The following COG5 variants were observed in gnomAD, a reference collection of about 807,000 sequenced individuals.
The protein encoded by COG5 is component of oligomeric golgi complex 5, also known as conserved oligomeric Golgi complex subunit 5.
A neutral mutation model predicts 110.4 loss-of-function variants in COG5; 86 were observed. The observed-to-expected ratio is 0.78, with a 90% CI of 0.65 to 0.93. The LOEUF (loss-of-function observed/expected upper bound fraction) is 0.93, where lower values mean the gene tolerates loss of function less well. Among genes scored for constraint, COG5 ranks in the 40% least tolerant of loss-of-function variants. The pLI is 0.00. For synonymous variants in COG5, 360 were observed against 334.6 expected, an observed-to-expected ratio of 1.08 and a Z score of -0.83; for missense variants, 1,077 against 987.0, an observed-to-expected ratio of 1.09 and a Z score of -1.22.
intron 19 of COG5, among the ~76,000 whole-genome samples, chr7:107,217,357 A>G (rs1354264791): frequency 6.6e-6 from 1 of 152,154 alleles, no homozygotes; most frequent in Non-Finnish European, 1.5e-5. Context: ...CTTGTCCAAA[A>G]AAATCAAAAA....
intron 6 of COG5, among the ~76,000 whole-genome samples, chr7:107,447,974 G>A (rs1213175631): frequency 6.6e-6 from 1 of 152,094 alleles, no homozygotes; most frequent in East Asian, 1.9e-4. Flanking sequence ...TGGCCAATAT[G>A]GTGAAACCCC....
At chr7:107,519,474 C>A (rs1800173440) in intron 6 of COG5, among the ~76,000 whole-genome samples, 3 of 150,962 alleles carry the variant, frequency 2.0e-5, no homozygotes, top group African/African-American at 2.4e-5. Context: ...CACCACTGAC[C>A]CCAAAGAAAT....
At chr7:107,376,014 A>C (rs1814609990) in intron 7 of COG5, among the ~76,000 whole-genome samples, 1 of 152,048 alleles carries the variant, frequency 6.6e-6, no homozygotes, top group Admixed American at 6.6e-5. Context: ...AATAGGAGTC[A>C]AGATTAGTGT....
intron 15 of COG5, 44 bp from the exon 16 acceptor site, chr7:107,256,838 T>C (rs1458276261): frequency 1.5e-6 from 2 of 1,344,514 alleles, no homozygotes; most frequent in East Asian, 4.6e-5. Context: ...CTTAAGTCTA[T>C]TTCTGTAAAT....
At chr7:107,455,513 T>C (rs1240035961) in intron 6 of COG5, among the ~76,000 whole-genome samples, 1 of 152,172 alleles carries the variant, frequency 6.6e-6, no homozygotes, top group Non-Finnish European at 1.5e-5. Flanking sequence ...AAAATGTTTT[T>C]ACATTTTTAA....
intron 6 of COG5, among the ~76,000 whole-genome samples, chr7:107,437,617 G>C (rs144612074): frequency 6.1e-4 from 93 of 152,058 alleles, no homozygotes; most frequent in African/African-American, 2.1e-3. Context: ...ACTTCAGAAA[G>C]GAAGTATATG....
chr7:107,218,342 A>G (rs1799669291), intron 19 of COG5, among the ~76,000 whole-genome samples: 1 of 152,134 alleles, frequency 6.6e-6, no homozygotes, highest in Non-Finnish European at 1.5e-5. Context: ...CCAGAAATAG[A>G]AAACATAATC....
intron 5 of COG5, among the ~76,000 whole-genome samples, chr7:107,545,779 C>CAAAAAAAA (rs59515448): frequency 5.7e-5 from 4 of 69,848 alleles, no homozygotes; most frequent in Non-Finnish European, 5.2e-5. Context: ...GACTCCATCT[C>CAAAAAAAA]AAAAAAAAAA....
chr7:107,454,020 G>T (rs1436018540), intron 6 of COG5, among the ~76,000 whole-genome samples: 1 of 151,974 alleles, frequency 6.6e-6, no homozygotes, highest in African/African-American at 2.4e-5. Flanking sequence ...ACTATTTTAA[G>T]TTCATCAAAA....
chr7:107,393,854 T>C (rs1790796658), intron 7 of COG5, among the ~76,000 whole-genome samples: 1 of 152,210 alleles, frequency 6.6e-6, no homozygotes, highest in African/African-American at 2.4e-5. Context: ...TTTCTATGAA[T>C]TGTCACTGTA....
chr7:107,294,954 T>TACACACAC (rs775829808), intron 12 of COG5, among the ~76,000 whole-genome samples: 9 of 125,958 alleles, frequency 7.1e-5, no homozygotes, highest in Non-Finnish European at 1.0e-4. Context: ...CACACACATA[T>TACACACAC]ATATATACAC....
intron 6 of COG5, chr7:107,475,041 A>G: frequency 6.2e-7 from 1 of 1,612,896 alleles, no homozygotes; most frequent in Non-Finnish European, 8.5e-7. Flanking sequence ...TCTGCTGGAC[A>G]CCAATTTCTG....
chr7:107,477,324 T>A (rs1009138838), intron 6 of COG5, among the ~76,000 whole-genome samples: 1 of 151,708 alleles, frequency 6.6e-6, no homozygotes, highest in African/African-American at 2.4e-5. Flanking sequence ...TCAATAAAAA[T>A]TAGACTATTT....
intron 1 of COG5, among the ~76,000 whole-genome samples, chr7:107,558,575 G>C (rs1457284793): frequency 1.3e-5 from 2 of 151,402 alleles, no homozygotes; most frequent in East Asian, 3.9e-4. Context: ...TTGCAATCCA[G>C]CCTGGGTGAC....
intron 11 of COG5, among the ~76,000 whole-genome samples, chr7:107,320,325 G>A (rs1196162226): frequency 6.6e-6 from 1 of 152,200 alleles, no homozygotes; most frequent in Non-Finnish European, 1.5e-5. Context: ...AGCAACAACA[G>A]GGATTTATAT....
At chr7:107,228,924 G>A (rs572563504) in intron 19 of COG5, among the ~76,000 whole-genome samples, 1 of 152,136 alleles carries the variant, frequency 6.6e-6, no homozygotes, top group African/African-American at 2.4e-5. Flanking sequence ...AGAGCAAAGC[G>A]ATCATTTAAA....
chr7:107,554,211 C>T, intron 3 of COG5, 74 bp downstream of exon 3: 2 of 1,323,534 alleles, frequency 1.5e-6, no homozygotes, highest in South Asian at 2.4e-5. Context: ...TACTTGCCAT[C>T]CAAAGTAGCT....
intron 14 of COG5, among the ~76,000 whole-genome samples, chr7:107,264,217 CA>C (rs1562940203): frequency 6.6e-6 from 1 of 152,034 alleles, no homozygotes; most frequent in East Asian, 1.9e-4. Flanking sequence ...GCAGTGACTA[CA>C]AATCTCTAAG....
chr7:107,291,364 C>A (rs1329440092), intron 12 of COG5, among the ~76,000 whole-genome samples: 1 of 152,170 alleles, frequency 6.6e-6, no homozygotes, highest in Non-Finnish European at 1.5e-5. Flanking sequence ...GCATGAGCCA[C>A]CACAACCAGC....
Sources: allele counts gnomAD v4.1 joint callset (sites outside exome capture counted in the v4.1 genomes callset), GRCh38; gene constraint gnomAD v4.1.1; transcripts MANE v1.5; gene names NCBI Gene and HGNC (gene_info 2026-07-23, HGNC 2026-07-21).